The following MAPKAP1 variants were observed in gnomAD, a reference collection of about 807,000 sequenced individuals.
MAPKAP1 encodes the protein MAPK associated protein 1, also known as target of rapamycin complex 2 subunit MAPKAP1.
Under a neutral mutation model 65.7 loss-of-function variants are expected in MAPKAP1, and 20 were observed. The observed-to-expected ratio is 0.30, with a 90% CI of 0.21 to 0.44. MAPKAP1 has a LOEUF of 0.44. Ranked by LOEUF, MAPKAP1 falls within the 20% of genes least tolerant of loss-of-function variation. MAPKAP1 has a pLI of 1.00. For synonymous variants in MAPKAP1, 222 were observed against 244.3 expected (o/e 0.91, Z 0.85); for missense variants, 423 against 648.0 (o/e 0.65, Z 3.77).
At chr9:125,459,027 T>G (rs1589210599) in intron 10 of MAPKAP1, among the ~76,000 whole-genome samples, 1 of 110,326 alleles carries the variant, frequency 9.1e-6, no homozygotes. Context: ...ACGGGGCGGC[T>G]GCCGGGCGGA....
chr9:125,500,697 C>A (rs1828950877), intron 8 of MAPKAP1, among the ~76,000 whole-genome samples: 1 of 152,166 alleles, frequency 6.6e-6, no homozygotes, highest in Non-Finnish European at 1.5e-5. Context: ...AGAGAGACTT[C>A]ATTTTCACTA....
intron 4 of MAPKAP1, among the ~76,000 whole-genome samples, chr9:125,656,743 C>A (rs769657716): frequency 1.3e-5 from 2 of 152,094 alleles, no homozygotes; most frequent in Non-Finnish European, 2.9e-5. Context: ...ACTCAGCACC[C>A]CACACCACTG....
Position 125,493,173 on chromosome 9 carries a change from A to G in MAPKAP1, c.1067-8590T>C, listed in dbSNP as rs1440283794. ...ACAATTAAGTAAAATAGTACAAGTG[A>G]CTGACAATGAGAAGTACATAAACCC... On this transcript the variant is annotated intron_variant, in intron 8 of 11. Transcript: ENST00000265960. Among the ~76,000 whole-genome samples, 8 of 152,318 alleles carry G rather than the reference A, an allele frequency of 5.3e-5. No individual in the cohort carries two copies. The East Asian group carries it at 1.5e-3, about 29-fold the overall frequency.
At chr9:125,622,009 A>C (rs1321525794) in intron 4 of MAPKAP1, among the ~76,000 whole-genome samples, 1 of 152,222 alleles carries the variant, frequency 6.6e-6, no homozygotes, top group Non-Finnish European at 1.5e-5. Flanking sequence ...GGAGGACATT[A>C]TGTTGAGAGA....
intron 7 of MAPKAP1, among the ~76,000 whole-genome samples, chr9:125,525,849 G>C (rs2133125614): frequency 6.6e-6 from 1 of 152,256 alleles, no homozygotes; most frequent in South Asian, 2.1e-4. Flanking sequence ...TTGAAGAGGA[G>C]ACTAAAGCAA....
intron 8 of MAPKAP1, among the ~76,000 whole-genome samples, chr9:125,502,796 G>C (rs533228510): frequency 1.3e-5 from 2 of 152,178 alleles, no homozygotes; most frequent in African/African-American, 4.8e-5. Context: ...CTGTCCATGA[G>C]GTTAAGTTTA....
chr9:125,444,887 T>C (rs1431000664), intron 10 of MAPKAP1, among the ~76,000 whole-genome samples: 1 of 152,202 alleles, frequency 6.6e-6, no homozygotes, highest in East Asian at 1.9e-4. Context: ...GATAATTACA[T>C]GCAAAAGGTG....
In MAPKAP1 at chr9:125,603,331, C is replaced by T. The variant is rs372510825; in HGVS notation, c.499-17604G>A. Among the ~76,000 whole-genome samples, 5 of 152,142 alleles carry T rather than the reference C, an allele frequency of 3.3e-5. No homozygotes were observed. In the East Asian group the frequency reaches 9.6e-4, roughly 29 times the overall value. On this transcript the variant is annotated intron_variant, in intron 4 of 11. Coordinates refer to ENST00000265960, the MANE Select transcript of MAPKAP1 (RefSeq NM_001006617.3). ...GTGTATCTGTTACTAAATCTGGCTA[C>T]CCAGGTGGCAGTACCCAATTGTGCT...
chr9:125,504,159 T>C (rs1829071315), intron 8 of MAPKAP1, among the ~76,000 whole-genome samples: 1 of 152,218 alleles, frequency 6.6e-6, no homozygotes, highest in Non-Finnish European at 1.5e-5. Context: ...TATTTCTCCA[T>C]ATTCTCTCCA....
intron 9 of MAPKAP1, among the ~76,000 whole-genome samples, chr9:125,477,874 G>C (rs973636716): frequency 6.6e-6 from 1 of 152,172 alleles, no homozygotes; most frequent in African/African-American, 2.4e-5. Flanking sequence ...CAAGTTAATG[G>C]AAATAACCTC....
At chr9:125,606,323 T>C (rs1832438999) in intron 4 of MAPKAP1, among the ~76,000 whole-genome samples, 1 of 152,126 alleles carries the variant, frequency 6.6e-6, no homozygotes, top group South Asian at 2.1e-4. Flanking sequence ...TACCAAAATA[T>C]GCTCTAAATT....
At chr9:125,552,362 A>C in intron 6 of MAPKAP1, among the ~76,000 whole-genome samples, 1 of 152,216 alleles carries the variant, frequency 6.6e-6, no homozygotes, top group Non-Finnish European at 1.5e-5. Flanking sequence ...GAACATCAGA[A>C]GACATCCAAT....
At chr9:125,623,796 G>T (rs1832992254) in intron 4 of MAPKAP1, among the ~76,000 whole-genome samples, 1 of 61,230 alleles carries the variant, frequency 1.6e-5, no homozygotes, top group African/African-American at 4.2e-5. Flanking sequence ...GTGCCGTCCG[G>T]GAGGGAGGTG....
intron 3 of MAPKAP1, among the ~76,000 whole-genome samples, chr9:125,660,303 C>G (rs1464861030): frequency 1.3e-5 from 2 of 152,122 alleles, no homozygotes; most frequent in Non-Finnish European, 2.9e-5. Flanking sequence ...CACGAGGGAA[C>G]TTTTTTGGGG....
chr9:125,498,415 C>G (rs1212413704), intron 8 of MAPKAP1, among the ~76,000 whole-genome samples: 1 of 152,152 alleles, frequency 6.6e-6, no homozygotes, highest in African/African-American at 2.4e-5. Flanking sequence ...GTCACAACCT[C>G]TCTTCACAAT....
In MAPKAP1 at chr9:125,641,757, C is replaced by T. The variant is rs991063807; in HGVS notation, c.498+15894G>A. Among the ~76,000 whole-genome samples, 2 of 152,046 alleles carry T rather than the reference C, an allele frequency of 1.3e-5. 1 individual carries two copies. Among genetic ancestry groups the T allele is most frequent in the South Asian group, 4.2e-4 (2 of 4,810 alleles). ...CTTGTCTCTATAAAAATAGGCCAGG[C>T]GTGGTGGCTCATACCTGTAATCCCA... On this transcript the variant is annotated intron_variant, in intron 4 of 11. Transcript: ENST00000265960.
intron 10 of MAPKAP1, among the ~76,000 whole-genome samples, chr9:125,451,943 G>C (rs1042985463): frequency 2.6e-5 from 4 of 151,892 alleles, no homozygotes. Context: ...CAGAGTAGCT[G>C]GGATTACAGG....
At chr9:125,504,579 C>T (rs943861700) in intron 8 of MAPKAP1, among the ~76,000 whole-genome samples, 2 of 151,900 alleles carry the variant, frequency 1.3e-5, no homozygotes, top group South Asian at 4.2e-4. Context: ...AGTTCAAGAG[C>T]AGTCTGGCCA....
In MAPKAP1 at chr9:125,438,837, C is replaced by T; in HGVS notation, c.*50G>A. 6.2e-7 allele frequency: 1 copy of T among 1,611,980 alleles called. No individual in the cohort carries two copies. The highest frequency in any genetic ancestry group is 8.5e-7 in the Non-Finnish European group (1 of 1,178,922). ...CGGGTGGACTCTAGGGCACTTGGCC[C>T]TGGCAGGCAGGCTCTGAGCTACGGA... On this transcript the variant is annotated 3_prime_UTR_variant, in exon 12 of 12. Coordinates refer to ENST00000265960, the MANE Select transcript of MAPKAP1 (RefSeq NM_001006617.3).
Sources: gnomAD v4.1 joint callset for allele counts (sites outside exome capture counted in the v4.1 genomes callset) on GRCh38, gnomAD v4.1.1 for gene constraint, MANE v1.5 for transcripts, NCBI Gene and HGNC (gene_info 2026-07-23, HGNC 2026-07-21) for gene names.